Variants in ITGA11 observed in about 807,000 individuals in gnomAD.
ITGA11 encodes the protein integrin alpha-11.
ITGA11 carries 97 observed loss-of-function variants against 141.9 expected under a neutral mutation model. The ratio of observed to expected loss-of-function variants is 0.68; its 90% CI spans 0.58 to 0.81. ITGA11 has a LOEUF of 0.81. ITGA11 is among the 30% of genes least tolerant of loss of function. The probability of loss-of-function intolerance (pLI) is 0.00; values close to 1 mark genes in which losing one functional copy is unlikely to be tolerated. For synonymous variants in ITGA11, 658 were observed against 624.6 expected (o/e 1.05, Z -0.80); for missense variants, 1,387 against 1,559.2 (o/e 0.89, Z 1.86).
At chr15:68,317,403 G>A (rs1893623078) in intron 20 of ITGA11, 40 bp from the exon 21 acceptor site, 5 of 1,412,780 alleles carry the variant, frequency 3.5e-6, no homozygotes, top group Non-Finnish European at 5.0e-6. Flanking sequence ...CAGTTAGGTG[G>A]GGCCTGGGAC....
intron 2 of ITGA11, among the ~76,000 whole-genome samples, chr15:68,387,762 C>T (rs575387587): frequency 2.4e-4 from 36 of 152,254 alleles, no homozygotes; most frequent in Admixed American, 2.2e-3. Flanking sequence ...CTGCTGCTTT[C>T]CCTCCTAGAG....
intron 6 of ITGA11, 42 bp from the exon 7 acceptor site, chr15:68,357,341 T>G: frequency 6.3e-7 from 1 of 1,579,882 alleles, no homozygotes; most frequent in Admixed American, 1.9e-5. Flanking sequence ...TTTGACCCCA[T>G]GAACCCATGA....
At position 68,303,466 on chromosome 15, in the gene ITGA11, G is replaced by A. The variant is rs1893093078; in HGVS notation, c.3495+306C>T. Reference sequence around the variant, plus strand: ...CTTCAGAGACAGAGATGGACTTCGGGAGGTTTGTTAACAGCTTGACATTGT... The same window carrying A: ...CTTCAGAGACAGAGATGGACTTCGGAAGGTTTGTTAACAGCTTGACATTGT... On this transcript the variant is annotated intron_variant, in intron 29 of 29. Coordinates refer to ENST00000315757, the MANE Select transcript of ITGA11 (RefSeq NM_001004439.2). The surrounding 1 kb of genome is among the most constrained non-coding windows in gnomAD (Gnocchi z 5.3). Among the ~76,000 whole-genome samples the A allele has an allele frequency of 6.6e-6, 1 of 152,158 alleles. No homozygotes were observed.
intron 10 of ITGA11, among the ~76,000 whole-genome samples, chr15:68,346,234 A>C (rs1328933892): frequency 6.6e-6 from 1 of 152,118 alleles, no homozygotes; most frequent in Admixed American, 6.5e-5. Flanking sequence ...ACGTGACCGA[A>C]GTCTTGTGCT....
chr15:68,303,127 C>G lies in ITGA11; in HGVS notation c.3499G>C (p.Gly1167Arg), dbSNP rs370641379. 7 of 1,551,322 alleles carry G rather than the reference C, an allele frequency of 4.5e-6. No individual in the cohort carries two copies. The highest frequency in any genetic ancestry group is 6.1e-6 in the Non-Finnish European group (7 of 1,147,058). ...ALLVLALWKL[G>R]FFRSARRRRE... Reference sequence around the variant, plus strand: ...CTGCGCCTGGCACTTCTAAAGAAGCCGAGCTGTGAGGAGGCAAAGGGAGAC... The same window carrying G: ...CTGCGCCTGGCACTTCTAAAGAAGCGGAGCTGTGAGGAGGCAAAGGGAGAC... Residue 1167 changes from glycine (G) to arginine (R), a missense_variant, in exon 30 of 30, where the codon GGC becomes CGC. Physicochemically the swap from Gly to Arg is moderately radical, Grantham distance 125. Transcript: ENST00000315757. This position sits in a 1 kb window ranked among gnomAD's most constrained non-coding sequence, Gnocchi z 5.3.
rs368011251 is a variant in ITGA11, at chr15:68,322,873, G to C, written c.2323-1370C>G. 7.3e-6 allele frequency among the ~76,000 whole-genome samples: 1 copy of C among 137,566 alleles called. No individual in the cohort carries two copies. The highest frequency in any genetic ancestry group is 1.6e-5 in the Non-Finnish European group (1 of 63,060). The allele number at this position is 137,566 out of a possible 152,430, so 90.2% of individuals were successfully genotyped here. A position where few individuals can be genotyped will look rare whatever the true frequency, so the allele number is the denominator to read the frequency against. The stretch of plus-strand genomic sequence containing the variant: ...ATACCATTTCAAAAAAAAAAAAAAA[G>C]AAAGTAGGGGTTAAGTGAGAAGTTC... On this transcript the variant is annotated intron_variant, in intron 18 of 29. Transcript: ENST00000315757. The surrounding 1 kb of genome is among the most constrained non-coding windows in gnomAD (Gnocchi z 5.6).
intron 2 of ITGA11, among the ~76,000 whole-genome samples, chr15:68,384,338 G>C (rs1341290011): frequency 6.6e-6 from 1 of 151,776 alleles, no homozygotes; most frequent in Non-Finnish European, 1.5e-5. Context: ...AGAGATGCAA[G>C]GAACCTTAGG....
chr15:68,318,634 C>T (rs900913925), intron 20 of ITGA11, among the ~76,000 whole-genome samples: 5 of 152,206 alleles, frequency 3.3e-5, no homozygotes, highest in Non-Finnish European at 7.4e-5. Flanking sequence ...AGGGGGTACC[C>T]GAGTAGGCAG....
chr15:68,410,281 A>T (rs900713312), intron 1 of ITGA11, among the ~76,000 whole-genome samples: 1 of 152,192 alleles, frequency 6.6e-6, no homozygotes, highest in African/African-American at 2.4e-5. Context: ...GCTCTGCTCC[A>T]TGTTGCAGAT....
intron 7 of ITGA11, among the ~76,000 whole-genome samples, chr15:68,354,166 G>GTTAT (rs72044543): frequency 2.2e-4 from 33 of 152,004 alleles, no homozygotes; most frequent in East Asian, 1.2e-3. Flanking sequence ...CTAGTATGCT[G>GTTAT]TTATTTATTT....
intron 3 of ITGA11, among the ~76,000 whole-genome samples, chr15:68,367,353 C>A (rs1895455065): frequency 6.6e-6 from 1 of 152,176 alleles, no homozygotes; most frequent in Non-Finnish European, 1.5e-5. Flanking sequence ...AACCTCATTG[C>A]CTCTGTCCCA....
intron 2 of ITGA11, among the ~76,000 whole-genome samples, chr15:68,376,039 C>T (rs1895718987): frequency 6.6e-6 from 1 of 152,122 alleles, no homozygotes. Context: ...GGCCCAGCGT[C>T]TGTGTTTTCA....
intron 1 of ITGA11, among the ~76,000 whole-genome samples, chr15:68,422,887 T>C (rs990798406): frequency 3.9e-5 from 6 of 152,204 alleles, no homozygotes; most frequent in African/African-American, 1.4e-4. Flanking sequence ...CTCCCTTGCA[T>C]TGTAGTTATT....
At chr15:68,347,370 G>A (rs1894773836) in intron 10 of ITGA11, among the ~76,000 whole-genome samples, 2 of 152,250 alleles carry the variant, frequency 1.3e-5, no homozygotes, top group South Asian at 4.1e-4. Flanking sequence ...ATCATCACCT[G>A]CCAACCTTGT....
At chr15:68,390,984 A>T (rs1896106303) in intron 2 of ITGA11, among the ~76,000 whole-genome samples, 1 of 152,182 alleles carries the variant, frequency 6.6e-6, no homozygotes, top group Non-Finnish European at 1.5e-5. Context: ...CTCCTAAATG[A>T]CACTGGCATC....
chr15:68,359,730 T>C (rs1369730219), intron 5 of ITGA11, among the ~76,000 whole-genome samples: 1 of 150,764 alleles, frequency 6.6e-6, no homozygotes, highest in East Asian at 1.9e-4. Context: ...ATTAAGAAAA[T>C]ATTGGCCATA....
intron 3 of ITGA11, among the ~76,000 whole-genome samples, chr15:68,367,229 A>G (rs962788517): frequency 6.6e-6 from 1 of 151,870 alleles, no homozygotes; most frequent in African/African-American, 2.4e-5. Context: ...TGGGGTCCAC[A>G]TTGCAACAGA....
intron 1 of ITGA11, among the ~76,000 whole-genome samples, chr15:68,404,410 A>T (rs1896591095): frequency 6.6e-6 from 1 of 152,194 alleles, no homozygotes; most frequent in Non-Finnish European, 1.5e-5. Context: ...GTCACCTGTC[A>T]GTTAACTAAT....
In ITGA11 at chr15:68,297,377, G is replaced by A. The variant is rs989434346; in HGVS notation, c.*5682C>T. ...TTTTATCATGTTAAGAGATTATTTC[G>A]TTTAGCATTGAATTAATAGATTTAG... On this transcript the variant is annotated 3_prime_UTR_variant, in exon 30 of 30. Transcript: ENST00000315757. 2 of 142,194 alleles carry A rather than the reference G, an allele frequency of 1.4e-5. No homozygotes were observed. Among genetic ancestry groups the A allele is most frequent in the South Asian group, 2.2e-4 (1 of 4,510 alleles). 8.8% of individuals were successfully genotyped at this position (142,194 alleles called of 1,614,324 possible). A position where few individuals can be genotyped will look rare whatever the true frequency, so the allele number is the denominator to read the frequency against.
Sources: allele counts gnomAD v4.1 joint callset (sites outside exome capture counted in the v4.1 genomes callset), GRCh38; gene constraint gnomAD v4.1.1; non-coding constraint Gnocchi (gnomAD v3.1); transcripts MANE v1.5; gene names NCBI Gene and HGNC (gene_info 2026-07-23, HGNC 2026-07-21).